Variants in TAFA1 observed in about 807,000 individuals in gnomAD.
TAFA1 encodes TAFA chemokine like family member 1.
A neutral mutation model predicts 18.5 loss-of-function variants in TAFA1; 4 were observed. The observed-to-expected ratio is 0.22, with a 90% CI of 0.11 to 0.49. TAFA1 has a LOEUF of 0.49. TAFA1 is among the 20% of genes least tolerant of loss of function. The pLI, the probability that TAFA1 is intolerant of heterozygous loss-of-function variation, is 0.98. For synonymous variants in TAFA1, 56 were observed against 55.2 expected, an observed-to-expected ratio of 1.01 and a Z score of -0.06; for missense variants, 147 against 169.0, an observed-to-expected ratio of 0.87 and a Z score of 0.72.
chr3:68,511,847 A>G (rs1219006650), intron 3 of TAFA1, among the ~76,000 whole-genome samples: 1 of 152,100 alleles, frequency 6.6e-6, no homozygotes, highest in Non-Finnish European at 1.5e-5. Flanking sequence ...ATATTTAATT[A>G]GATACTTGTT....
chr3:68,104,341 T>C (rs1400114426), intron 2 of TAFA1, among the ~76,000 whole-genome samples: 3 of 152,090 alleles, frequency 2.0e-5, no homozygotes, highest in Admixed American at 6.6e-5. Flanking sequence ...TATGATAAAA[T>C]ATATAAATTT....
chr3:68,344,874 T>G (rs1386169720), intron 2 of TAFA1, among the ~76,000 whole-genome samples: 1 of 152,086 alleles, frequency 6.6e-6, no homozygotes, highest in African/African-American at 2.4e-5. Flanking sequence ...AAATAGAGAG[T>G]GAAGCTCTCT....
intron 2 of TAFA1, among the ~76,000 whole-genome samples, chr3:68,351,663 C>G (rs953399336): frequency 6.6e-6 from 1 of 151,880 alleles, no homozygotes; most frequent in African/African-American, 2.4e-5. Context: ...AACTTTGAGT[C>G]TCTAGGGGTA....
At chr3:68,527,296 T>G (rs934175926) in intron 3 of TAFA1, among the ~76,000 whole-genome samples, 1 of 152,114 alleles carries the variant, frequency 6.6e-6, no homozygotes, top group Non-Finnish European at 1.5e-5. Flanking sequence ...TTAGGAGAGC[T>G]TCCTTGAGTT....
intron 3 of TAFA1, among the ~76,000 whole-genome samples, chr3:68,461,366 T>TATATATATATATATATATATATATAC (rs2071775866): frequency 7.2e-6 from 1 of 139,852 alleles, no homozygotes; most frequent in African/African-American, 2.8e-5. Context: ...AGTGCATATA[T>TATATATATATATATATATATATATAC]ATATATATAT....
chr3:68,313,147 A>C (rs2106684441), intron 2 of TAFA1, among the ~76,000 whole-genome samples: 1 of 152,350 alleles, frequency 6.6e-6, no homozygotes, highest in South Asian at 2.1e-4. Flanking sequence ...TATGGGAGCT[A>C]CAAGATGAGA....
chr3:68,133,091 G>A (rs1288761106), intron 2 of TAFA1, among the ~76,000 whole-genome samples: 1 of 152,174 alleles, frequency 6.6e-6, no homozygotes, highest in Non-Finnish European at 1.5e-5. Context: ...CATATGGCTA[G>A]CCACTTTTCC....
At chr3:68,540,491 A>G (rs2073354242) in intron 4 of TAFA1, among the ~76,000 whole-genome samples, 2 of 152,232 alleles carry the variant, frequency 1.3e-5, no homozygotes, top group East Asian at 1.9e-4. Context: ...ATTCTTCCCA[A>G]TAATTTGAAG....
chr3:68,394,922 T>G (rs1045228800), intron 2 of TAFA1, among the ~76,000 whole-genome samples: 2 of 152,018 alleles, frequency 1.3e-5, no homozygotes, highest in Non-Finnish European at 2.9e-5. Flanking sequence ...CCAAAAGCAA[T>G]TGCAACAAAA....
intron 3 of TAFA1, among the ~76,000 whole-genome samples, chr3:68,464,248 T>C (rs2071839728): frequency 6.6e-6 from 1 of 152,178 alleles, no homozygotes; most frequent in Non-Finnish European, 1.5e-5. Flanking sequence ...GCTTGCAGTC[T>C]AGTGGGGATA....
At chr3:68,378,634 T>G (rs944889686) in intron 2 of TAFA1, among the ~76,000 whole-genome samples, 2 of 152,106 alleles carry the variant, frequency 1.3e-5, no homozygotes, top group Non-Finnish European at 2.9e-5. Flanking sequence ...ACATGAGATT[T>G]GGGAGGGTCT....
chr3:68,457,146 A>G (rs1156640547), intron 3 of TAFA1, among the ~76,000 whole-genome samples: 1 of 152,196 alleles, frequency 6.6e-6, no homozygotes, highest in Non-Finnish European at 1.5e-5. Context: ...TAGCAACTGT[A>G]GGGGGCTACA....
chr3:68,298,695 T>G (rs2068254184), intron 2 of TAFA1, among the ~76,000 whole-genome samples: 1 of 152,164 alleles, frequency 6.6e-6, no homozygotes, highest in South Asian at 2.1e-4. Flanking sequence ...AGGTAGTTCC[T>G]CCAGTATTCA....
chr3:68,335,331 A>G (rs1444771309), intron 2 of TAFA1, among the ~76,000 whole-genome samples: 1 of 152,196 alleles, frequency 6.6e-6, no homozygotes, highest in Non-Finnish European at 1.5e-5. Context: ...TATCATGTCT[A>G]TTATTTAGTT....
At chr3:68,431,528 G>A (rs1454415503) in intron 3 of TAFA1, among the ~76,000 whole-genome samples, 1 of 152,002 alleles carries the variant, frequency 6.6e-6, no homozygotes. Flanking sequence ...GGCTCAAGAT[G>A]ATAAGGGGCT....
intron 2 of TAFA1, among the ~76,000 whole-genome samples, chr3:68,118,799 C>T (rs374165796): frequency 6.6e-6 from 1 of 152,244 alleles, no homozygotes; most frequent in Admixed American, 6.5e-5. Context: ...GGGTCACTTC[C>T]ATCTGTGCAC....
intron 2 of TAFA1, among the ~76,000 whole-genome samples, chr3:68,063,272 C>A (rs1016514454): frequency 9.9e-5 from 15 of 152,134 alleles, no homozygotes; most frequent in Admixed American, 2.0e-4. Flanking sequence ...CTGGGATTAC[C>A]CAGGCCCCAG....
chr3:68,403,391 G>C (rs534996920), intron 2 of TAFA1, among the ~76,000 whole-genome samples: 1 of 152,300 alleles, frequency 6.6e-6, no homozygotes, highest in South Asian at 2.1e-4. Context: ...CAAGCCCCTT[G>C]TGATTTATCA....
intron 3 of TAFA1, among the ~76,000 whole-genome samples, chr3:68,499,125 AG>A (rs1260234343): frequency 6.6e-6 from 1 of 152,166 alleles, no homozygotes; most frequent in Non-Finnish European, 1.5e-5. Flanking sequence ...AAAGCAGCCT[AG>A]GTATTAAAAT....
Sources: gnomAD v4.1 joint callset for allele counts (sites outside exome capture counted in the v4.1 genomes callset) on GRCh38, gnomAD v4.1.1 for gene constraint, MANE v1.5 for transcripts, NCBI Gene and HGNC (gene_info 2026-07-23, HGNC 2026-07-21) for gene names.